Variants in SLC20A2 observed in about 807,000 individuals in gnomAD.
SLC20A2 encodes the protein sodium-dependent phosphate transporter 2.
In SLC20A2, 30 loss-of-function variants were observed where a neutral mutation model predicts 61.0. The observed-to-expected ratio is 0.49, with a 90% CI of 0.37 to 0.67. The LOEUF is 0.67. SLC20A2 is among the 30% of genes least tolerant of loss of function. The pLI is 0.00. For synonymous variants in SLC20A2, 351 were observed against 353.3 expected (o/e 0.99, Z 0.07); for missense variants, 626 against 866.4 (o/e 0.72, Z 3.48).
rs150619870 is a variant in SLC20A2, at chr8:42,516,996, A to C, written c.-265+24825T>G. On this transcript the variant is annotated intron_variant, in intron 1 of 10. Coordinates refer to the SLC20A2 transcript ENST00000342228. ...TCTCGTGCACTTGAGACCGTCCACCACCCCCCAAGCATTTCTCAACTCCTG... is the reference window on the plus strand; with the variant it reads ...TCTCGTGCACTTGAGACCGTCCACCCCCCCCCAAGCATTTCTCAACTCCTG... Among the ~76,000 whole-genome samples the C allele has an allele frequency of 7.8e-3, 1,187 of 151,634 alleles. 8 individuals carry two copies. The highest frequency in any genetic ancestry group is 0.028 in the African/African-American group (1,136 of 41,302).
Position 42,519,443 on chromosome 8 carries a change from T to TAAAAAAAAAAAAA in SLC20A2, c.-265+22365_-265+22377dup, listed in dbSNP as rs11284092. Among the ~76,000 whole-genome samples the TAAAAAAAAAAAAA allele has an allele frequency of 6.6e-5, 9 of 136,448 alleles. 1 individual carries two copies. Among genetic ancestry groups the TAAAAAAAAAAAAA allele is most frequent in the African/African-American group, 2.0e-4 (7 of 34,648 alleles). 89.5% of individuals were successfully genotyped at this position (136,448 alleles called of 152,430 possible). On this transcript the variant is annotated intron_variant, in intron 1 of 10. Transcript: ENST00000342228. ...TGGGCGACAGAGCGAGACTCCATCT[T>TAAAAAAAAAAAAA]AAAAAAAAAAAAAAAATTACAACCA...
rs201980405 is a variant in SLC20A2, at chr8:42,467,755, C to CA, written c.290-1839dup. 3.9e-5 allele frequency among the ~76,000 whole-genome samples: 6 copies of CA among 152,332 alleles called. No homozygotes were observed. In the East Asian group the frequency reaches 1.2e-3, roughly 29 times the overall value. ...CAGCCTTGTGCTGCCAAACCCATATCAGGCTCCATGGCAGCGCCAGGCCTA... is the reference window on the plus strand; with the variant it reads ...CAGCCTTGTGCTGCCAAACCCATATCAAGGCTCCATGGCAGCGCCAGGCCTA... On this transcript the variant is annotated intron_variant, in intron 2 of 10. Transcript: ENST00000520262.
intron 8 of SLC20A2, among the ~76,000 whole-genome samples, chr8:42,430,989 A>G (rs1803830720): frequency 6.6e-6 from 1 of 152,054 alleles, no homozygotes; most frequent in South Asian, 2.1e-4. Flanking sequence ...CCTCCAGCCT[A>G]TTTCCTGAGA....
intron 1 of SLC20A2, among the ~76,000 whole-genome samples, chr8:42,492,599 C>T (rs1809602866): frequency 6.6e-6 from 1 of 152,194 alleles, no homozygotes; most frequent in Non-Finnish European, 1.5e-5. Context: ...AAACATTCTT[C>T]TATGAGTAAC....
At position 42,480,121 on chromosome 8, in the gene SLC20A2, C is replaced by T. The variant is rs766155879; in HGVS notation, c.-264-7467G>A. Among the ~76,000 whole-genome samples, 63 of 152,264 alleles carry T rather than the reference C, an allele frequency of 4.1e-4. 1 individual carries two copies. Among genetic ancestry groups the T allele is most frequent in the Middle Eastern group, 6.8e-3 (2 of 294 alleles). ...TCTAAAAGATGAAATATTAGGTAGC[C>T]ACTACAATGATGTAACTTGAGAGAT... On this transcript the variant is annotated intron_variant, in intron 1 of 10. Transcript: ENST00000520262.
chr8:42,436,418 G>C (rs1179566248), intron 8 of SLC20A2, among the ~76,000 whole-genome samples: 3 of 152,136 alleles, frequency 2.0e-5, no homozygotes, highest in Non-Finnish European at 4.4e-5. Flanking sequence ...CTCCGATCTT[G>C]GCAGCTGCCT....
chr8:42,459,996 T>C lies in SLC20A2; in HGVS notation c.517-4A>G, dbSNP rs934020240. 5.8e-6 allele frequency: 9 copies of C among 1,545,060 alleles called. No homozygotes were observed. Among genetic ancestry groups the C allele is most frequent in the African/African-American group, 5.4e-5 (4 of 73,582 alleles). ...GGCCATTGGGAACAGGGTCTTCCTG[T>C]AGGAAGACAAGGAGACAGAGTGGAA... On this transcript the variant is annotated splice_polypyrimidine_tract_variant and splice_region_variant and intron_variant, in intron 4 of 10. Coordinates refer to ENST00000520262, the MANE Select transcript of SLC20A2 (RefSeq NM_001257180.2).
At chr8:42,439,141 C>A (rs964012915) in intron 7 of SLC20A2, among the ~76,000 whole-genome samples, 4 of 152,232 alleles carry the variant, frequency 2.6e-5, no homozygotes, top group African/African-American at 9.6e-5. Context: ...AATTCGATAA[C>A]TCCTGGGGCA....
At chr8:42,484,704 G>T in intron 1 of SLC20A2, 1 of 386,392 alleles carries the variant, frequency 2.6e-6, no homozygotes, top group South Asian at 2.3e-5. Context: ...AAGTGTGGGT[G>T]GGTGTGGTCT....
At chr8:42,515,251 T>C (rs2131384010) in intron 1 of SLC20A2, among the ~76,000 whole-genome samples, 1 of 152,310 alleles carries the variant, frequency 6.6e-6, no homozygotes, top group Non-Finnish European at 1.5e-5. Flanking sequence ...CTCCCCATGC[T>C]ATCTCTGATG....
intron 1 of SLC20A2, among the ~76,000 whole-genome samples, chr8:42,533,666 T>TTTTTTTTTTTTTTTTTTTTTTC (rs1812513551): frequency 7.9e-6 from 1 of 126,630 alleles, no homozygotes; most frequent in African/African-American, 3.0e-5. Flanking sequence ...TTTTTTTTTT[T>TTTTTTTTTTTTTTTTTTTTTTC]TTTTTTTTTT....
At chr8:42,466,457 C>T (rs2131195657) in intron 2 of SLC20A2, among the ~76,000 whole-genome samples, 1 of 152,242 alleles carries the variant, frequency 6.6e-6, no homozygotes, top group Non-Finnish European at 1.5e-5. Context: ...AGTGAGGGTG[C>T]TGTGTATGAA....
intron 1 of SLC20A2, among the ~76,000 whole-genome samples, chr8:42,540,290 A>C (rs1240809322): frequency 6.6e-6 from 1 of 150,622 alleles, no homozygotes; most frequent in East Asian, 1.9e-4. Flanking sequence ...ACCCCGTCTC[A>C]AAAAAAACAA....
Position 42,417,304 on chromosome 8 carries a change from C to A in SLC20A2, c.*499G>T, listed in dbSNP as rs1802729540. On this transcript the variant is annotated 3_prime_UTR_variant, in exon 11 of 11. Transcript: ENST00000520262. The stretch of plus-strand genomic sequence containing the variant: ...CCACAGCACGCGACCTCTGCAGGGT[C>A]AGGTTGCCTGTTCTGAAGCTCATTA... 6.4e-6 allele frequency: 1 copy of A among 155,666 alleles called. No individual in the cohort carries two copies. The highest frequency in any genetic ancestry group is 1.8e-4 in the East Asian group (1 of 5,440). The allele number at this position is 155,666 out of a possible 1,614,324, so 9.6% of individuals were successfully genotyped here.
At chr8:42,484,768 C>A in intron 1 of SLC20A2, 1 of 334,696 alleles carries the variant, frequency 3.0e-6, no homozygotes, top group Non-Finnish European at 5.9e-6. Flanking sequence ...GGCAGCCAGG[C>A]AGCTAAAGGC....
At chr8:42,477,896 T>C (rs1808250897) in intron 1 of SLC20A2, among the ~76,000 whole-genome samples, 1 of 151,870 alleles carries the variant, frequency 6.6e-6, no homozygotes, top group East Asian at 1.9e-4. Context: ...GCAATTTCTT[T>C]TTTTTTTTGA....
At chr8:42,465,991 GT>G (rs1807128923) in intron 2 of SLC20A2, 74 bp from the exon 3 acceptor site, 1 of 1,331,158 alleles carries the variant, frequency 7.5e-7, no homozygotes, top group Admixed American at 2.6e-5. Flanking sequence ...AAATCCAAAT[GT>G]TTTCCATAAC....
At chr8:42,499,112 G>A (rs1316887771) in intron 1 of SLC20A2, among the ~76,000 whole-genome samples, 6 of 152,208 alleles carry the variant, frequency 3.9e-5, no homozygotes, top group African/African-American at 1.4e-4. Flanking sequence ...CAGGACTGCA[G>A]GGGAGACGTG....
At chr8:42,419,763 GCT>G (rs932312062) in intron 10 of SLC20A2, 11 of 803,040 alleles carry the variant, frequency 1.4e-5, no homozygotes, top group Non-Finnish European at 1.7e-5. Context: ...CATGTAAGTT[GCT>G]CTTTTTTTGG....
Sources: allele counts gnomAD v4.1 joint callset (sites outside exome capture counted in the v4.1 genomes callset), GRCh38; gene constraint gnomAD v4.1.1; transcripts MANE v1.5; gene names NCBI Gene and HGNC (gene_info 2026-07-23, HGNC 2026-07-21).